PPP2R2C: variants seen among roughly 807,000 people sequenced by gnomAD.
The protein encoded by PPP2R2C is protein phosphatase 2 regulatory subunit Bgamma.
Under a neutral mutation model 45.3 loss-of-function variants are expected in PPP2R2C, and 10 were observed. That is an observed-to-expected ratio of 0.22 (90% CI 0.14 to 0.37). The LOEUF (loss-of-function observed/expected upper bound fraction) is 0.37, where lower values mean the gene tolerates loss of function less well. Ranked by LOEUF, PPP2R2C falls within the 10% of genes least tolerant of loss-of-function variation. The pLI is 1.00. For missense variants in PPP2R2C, 308 were observed against 619.7 expected (o/e 0.50, Z 5.34); for synonymous variants, 257 against 245.4 (o/e 1.05, Z -0.44).
chr4:6,510,719 T>C (rs1180502679), intron 2 of PPP2R2C, among the ~76,000 whole-genome samples: 1 of 152,120 alleles, frequency 6.6e-6, no homozygotes, highest in African/African-American at 2.4e-5. Context: ...GTCTCACGCC[T>C]GTAATCCCAG....
chr4:6,358,067 G>A (rs931483654), intron 5 of PPP2R2C, among the ~76,000 whole-genome samples: 2 of 152,108 alleles, frequency 1.3e-5, no homozygotes, highest in African/African-American at 4.8e-5. Flanking sequence ...GAGGCATCAC[G>A]CTACCTGACT....
intron 1 of PPP2R2C, among the ~76,000 whole-genome samples, chr4:6,433,143 T>C (rs1719712177): frequency 6.6e-6 from 1 of 152,160 alleles, no homozygotes; most frequent in Non-Finnish European, 1.5e-5. Flanking sequence ...AGTTAAGTTT[T>C]TGGGGAGTCA....
chr4:6,469,401 C>T lies in PPP2R2C; in HGVS notation c.70+2759G>A, dbSNP rs1379026799. ...CTGGGGTGTGGTGGGGGAGTGTAGA[C>T]TCAACCACAGGTAGAACAGGAGTTT... On this transcript the variant is annotated intron_variant, in intron 1 of 8. Transcript: ENST00000382599. Among the ~76,000 whole-genome samples, 3 of 151,958 alleles carry T rather than the reference C, an allele frequency of 2.0e-5. No individual in the cohort carries two copies. In the East Asian group the frequency reaches 5.8e-4, roughly 29 times the overall value.
At chr4:6,427,972 T>G (rs1719418733) in intron 1 of PPP2R2C, among the ~76,000 whole-genome samples, 1 of 152,186 alleles carries the variant, frequency 6.6e-6, no homozygotes, top group African/African-American at 2.4e-5. Flanking sequence ...ATTCCTGTTT[T>G]GTCAATGAGG....
In PPP2R2C at chr4:6,518,922, T is replaced by TTAAAAAAAA. The variant is rs1354788203; in HGVS notation, c.49+16348_49+16349insTTTTTTTTA. Among the ~76,000 whole-genome samples, 4 of 92,900 alleles carry TTAAAAAAAA rather than the reference T, an allele frequency of 4.3e-5. 1 individual carries two copies. Among genetic ancestry groups the TTAAAAAAAA allele is most frequent in the African/African-American group, 2.5e-4 (4 of 16,118 alleles). 60.9% of individuals were successfully genotyped at this position (92,900 alleles called of 152,430 possible). ...TGGGCAACAGAGCAAGACTCTGTCT[T>TTAAAAAAAA]AAAAAAAAAAAAAAAAAAAAAAAAA... is the stretch of plus-strand genomic sequence containing the variant. On this transcript the variant is annotated intron_variant, in intron 2 of 9. Transcript: ENST00000506140.
rs1451594524 is a variant in PPP2R2C at position 6,323,431 on chromosome 4, A to G, written c.1215T>C (p.Ser405=). The G allele has an allele frequency of 1.2e-6, 2 of 1,613,828 alleles. No homozygotes were observed. Among genetic ancestry groups the G allele is most frequent in the Admixed American group, 3.3e-5 (2 of 60,024 alleles). Residue 405 remains serine (S), a synonymous_variant, in exon 9 of 9, where the codon AGT becomes AGC. Transcript: ENST00000382599. The part of the protein sequence containing the change: ...VGGKRRRDDI[S]VDSLDFTKKI... ...TCTTGGTGAAGTCCAAGCTGTCCAC[A>G]CTGATGTCATCACGCCGGCGCTTGC...
intron 1 of PPP2R2C, among the ~76,000 whole-genome samples, chr4:6,462,127 A>G (rs935770365): frequency 6.6e-6 from 1 of 152,254 alleles, no homozygotes; most frequent in Non-Finnish European, 1.5e-5. Flanking sequence ...GGCAGCCCCA[A>G]GGCCGATGCC....
At chr4:6,341,352 A>C (rs140025252) in intron 6 of PPP2R2C, among the ~76,000 whole-genome samples, 3 of 151,542 alleles carry the variant, frequency 2.0e-5, no homozygotes, top group African/African-American at 7.3e-5. Flanking sequence ...AAAAAAAAAA[A>C]AAAAAACCCA....
chr4:6,469,486 C>T (rs1402344504), intron 1 of PPP2R2C, among the ~76,000 whole-genome samples: 1 of 152,188 alleles, frequency 6.6e-6, no homozygotes, highest in Non-Finnish European at 1.5e-5. Flanking sequence ...ACAGGCTCTT[C>T]CAGTTACAAG....
chr4:6,441,934 T>G (rs1323774628), intron 1 of PPP2R2C, among the ~76,000 whole-genome samples: 3 of 152,212 alleles, frequency 2.0e-5, no homozygotes, highest in Non-Finnish European at 2.9e-5. Context: ...GCCATTCCCT[T>G]CCTTCTCCGC....
At chr4:6,541,458 G>C (rs757773975) in intron 1 of PPP2R2C, among the ~76,000 whole-genome samples, 3 of 152,112 alleles carry the variant, frequency 2.0e-5, no homozygotes, top group Non-Finnish European at 4.4e-5. Flanking sequence ...ACACAGGAGC[G>C]CTGGAGCAGA....
chr4:6,488,764 A>G (rs770203854), intron 2 of PPP2R2C, among the ~76,000 whole-genome samples: 3 of 148,166 alleles, frequency 2.0e-5, no homozygotes, highest in Admixed American at 6.8e-5. Flanking sequence ...GAAATTATCA[A>G]TCTAGGACTA....
chr4:6,417,327 G>T (rs973074200), intron 1 of PPP2R2C, among the ~76,000 whole-genome samples: 3 of 152,234 alleles, frequency 2.0e-5, no homozygotes, highest in African/African-American at 7.2e-5. Context: ...ACCCACCTCG[G>T]GGTTACGTGA....
At chr4:6,545,606 C>T (rs934117622) in intron 1 of PPP2R2C, among the ~76,000 whole-genome samples, 1 of 152,194 alleles carries the variant, frequency 6.6e-6, no homozygotes, top group African/African-American at 2.4e-5. Flanking sequence ...GACATGAATG[C>T]ACTCAGCCAT....
chr4:6,467,307 G>A lies in PPP2R2C; in HGVS notation c.70+4853C>T, dbSNP rs1721646925. 2.6e-5 allele frequency among the ~76,000 whole-genome samples: 4 copies of A among 152,248 alleles called. 1 individual carries two copies. In the South Asian group the frequency reaches 8.3e-4, roughly 32 times the overall value. ...GTTGGGGTGGAAGTTAGGCTAGCCAGTCTGATGACAGTTCTAAGGGCTAGT... is the reference window on the plus strand; with the variant it reads ...GTTGGGGTGGAAGTTAGGCTAGCCAATCTGATGACAGTTCTAAGGGCTAGT... On this transcript the variant is annotated intron_variant, in intron 1 of 8. Transcript: ENST00000382599.
At position 6,322,078 on chromosome 4, in the gene PPP2R2C, G is replaced by A. The variant is rs924121394; in HGVS notation, c.*1224C>T. The A allele has an allele frequency of 7.9e-5, 12 of 151,898 alleles. No individual in the cohort carries two copies. The highest frequency in any genetic ancestry group is 2.2e-4 in the African/African-American group (9 of 41,332). 9.4% of individuals were successfully genotyped at this position (151,898 alleles called of 1,614,324 possible). ...GGGTCTTCTCTGTCTTCCATCCTGC[G>A]TCTCAGTTCTCCTGGACCCTTGTCG... On this transcript the variant is annotated 3_prime_UTR_variant, in exon 9 of 9. Transcript: ENST00000382599. The surrounding 1 kb of genome is among the most constrained non-coding windows in gnomAD (Gnocchi z 7.8).
At chr4:6,462,645 A>G (rs2108759309) in intron 1 of PPP2R2C, among the ~76,000 whole-genome samples, 1 of 152,346 alleles carries the variant, frequency 6.6e-6, no homozygotes, top group East Asian at 1.9e-4. Flanking sequence ...GACATTTCTC[A>G]GACAACTGGG....
intron 2 of PPP2R2C, among the ~76,000 whole-genome samples, chr4:6,507,685 T>G (rs10937739): frequency 6.6e-6 from 1 of 152,046 alleles, no homozygotes; most frequent in South Asian, 2.1e-4. Flanking sequence ...TCACAAACTC[T>G]TGAGCAAATC....
At chr4:6,509,219 C>A (rs1723345015) in intron 2 of PPP2R2C, among the ~76,000 whole-genome samples, 1 of 152,150 alleles carries the variant, frequency 6.6e-6, no homozygotes, top group African/African-American at 2.4e-5. Flanking sequence ...TGGGAAAGAA[C>A]AATAGCAAAG....
Sources: allele counts gnomAD v4.1 joint callset (sites outside exome capture counted in the v4.1 genomes callset), GRCh38; gene constraint gnomAD v4.1.1; non-coding constraint Gnocchi (gnomAD v3.1); transcripts MANE v1.5; gene names NCBI Gene and HGNC (gene_info 2026-07-23, HGNC 2026-07-21).